Variants in LUC7L observed in about 807,000 individuals in gnomAD.
LUC7L encodes LUC7 like.
A neutral mutation model predicts 51.1 loss-of-function variants in LUC7L; 29 were observed. The observed-to-expected ratio is 0.57, with a 90% CI of 0.42 to 0.77. LUC7L has a LOEUF of 0.77. LUC7L is among the 30% of genes least tolerant of loss of function. The pLI, the probability that LUC7L is intolerant of heterozygous loss-of-function variation, is 0.00. For synonymous variants in LUC7L, 181 were observed against 180.7 expected (o/e 1.00, Z -0.01); for missense variants, 403 against 511.9 (o/e 0.79, Z 2.05).
At chr16:216,381 T>G (rs1322813078) in intron 3 of LUC7L, among the ~76,000 whole-genome samples, 1 of 35,494 alleles carries the variant, frequency 2.8e-5, no homozygotes, top group African/African-American at 1.3e-4. Context: ...CAAATAGTTG[T>G]TTTTTTTTTT....
At chr16:211,298 G>A (rs1381404821) in intron 3 of LUC7L, among the ~76,000 whole-genome samples, 1 of 152,114 alleles carries the variant, frequency 6.6e-6, no homozygotes, top group Non-Finnish European at 1.5e-5. Context: ...AACACTAAAA[G>A]AACTATCATA....
intron 6 of LUC7L, among the ~76,000 whole-genome samples, chr16:197,194 C>T (rs574429932): frequency 6.7e-5 from 10 of 148,246 alleles, no homozygotes; most frequent in Non-Finnish European, 1.2e-4. Flanking sequence ...GAGGCTGAGC[C>T]TCTGCACCCA....
At chr16:203,501 T>A (rs2049390772) in intron 5 of LUC7L, among the ~76,000 whole-genome samples, 4 of 151,916 alleles carry the variant, frequency 2.6e-5, no homozygotes, top group African/African-American at 9.7e-5. Context: ...GAGCCAAGGA[T>A]TTCAAGACCA....
intron 3 of LUC7L, among the ~76,000 whole-genome samples, chr16:213,685 G>C (rs973444885): frequency 1.3e-5 from 2 of 152,128 alleles, no homozygotes; most frequent in Non-Finnish European, 2.9e-5. Flanking sequence ...GATTACAGGC[G>C]TGAGCCACCG....
intron 7 of LUC7L, among the ~76,000 whole-genome samples, chr16:191,481 G>T (rs1399120931): frequency 1.3e-5 from 2 of 152,184 alleles, no homozygotes; most frequent in African/African-American, 4.8e-5. Context: ...TGCAAAAAAT[G>T]GATTGTGTGT....
chr16:223,069 A>C (rs2067923100), intron 2 of LUC7L, among the ~76,000 whole-genome samples: 1 of 151,598 alleles, frequency 6.6e-6, no homozygotes, highest in South Asian at 2.1e-4. Context: ...GAAAGCATGT[A>C]GCATGCTAGG....
At chr16:191,296 G>C (rs79220701) in intron 7 of LUC7L, among the ~76,000 whole-genome samples, 85 of 152,312 alleles carry the variant, frequency 5.6e-4, no homozygotes, top group African/African-American at 1.8e-3. Context: ...TCCAGGCACA[G>C]GCTTCCTGTC....
intron 6 of LUC7L, among the ~76,000 whole-genome samples, chr16:198,431 C>T (rs2049223781): frequency 6.6e-6 from 1 of 152,072 alleles, no homozygotes; most frequent in African/African-American, 2.4e-5. Flanking sequence ...GGCAAGGAGC[C>T]AGGATGTGTG....
In LUC7L at chr16:229,438, A is replaced by G; in HGVS notation, c.-99T>C. 1.8e-6 allele frequency: 2 copies of G among 1,103,634 alleles called. No individual in the cohort carries two copies. Among genetic ancestry groups the G allele is most frequent in the East Asian group, 3.2e-5 (1 of 31,272 alleles). 68.4% of individuals were successfully genotyped at this position (1,103,634 alleles called of 1,614,324 possible). A position where few individuals can be genotyped will look rare whatever the true frequency, so the allele number is the denominator to read the frequency against. On this transcript the variant is annotated 5_prime_UTR_variant, in exon 1 of 10. Coordinates refer to ENST00000293872, the MANE Select transcript of LUC7L (RefSeq NM_201412.3). The stretch of plus-strand genomic sequence containing the variant: ...CGATGGTCGCGTCGGCCTCGAGCCC[A>G]CTCGGCTCTTTCCCGCCGCGGGGGA...
chr16:220,556 T>G, intron 3 of LUC7L, 93 bp downstream of exon 3: 2 of 917,806 alleles, frequency 2.2e-6, no homozygotes, highest in South Asian at 1.5e-5. Context: ...ACCTTATTAT[T>G]TTGCTTCATA....
At chr16:195,080 T>A (rs3859141) in intron 6 of LUC7L, among the ~76,000 whole-genome samples, 1 of 152,022 alleles carries the variant, frequency 6.6e-6, no homozygotes, top group South Asian at 2.1e-4. Flanking sequence ...CCCATGCTCA[T>A]CCTGTGTCTG....
chr16:227,287 C>A lies in LUC7L; in HGVS notation c.111G>T (p.Lys37Asn), dbSNP rs1420310961. Residue 37 changes from lysine to asparagine, a missense_variant, in exon 2 of 10, where the codon AAG becomes AAT. Around this residue, in one of 3 missense-constraint regions of LUC7L, gnomAD observed 182 missense variants for 248.4 expected, o/e 0.73. Coordinates refer to ENST00000293872, the MANE Select transcript of LUC7L (RefSeq NM_201412.3). ...RVKFTDDRVC[K>N]SHLLDCCPHD... is the part of the protein sequence containing the mutation. ...GGGGGCAGCAGTCCAGAAGGTGACT[C>A]TTGCAGACACGGTCATCTGTAAACT... 1 of 1,612,892 alleles carries A rather than the reference C, an allele frequency of 6.2e-7. No individual in the cohort carries two copies. Among genetic ancestry groups the A allele is most frequent in the Non-Finnish European group, 8.5e-7 (1 of 1,179,492 alleles).
At chr16:192,901 C>T (rs1006068493) in intron 7 of LUC7L, 26 bp downstream of exon 7, 8 of 1,594,508 alleles carry the variant, frequency 5.0e-6, no homozygotes, top group Non-Finnish European at 6.9e-6. Flanking sequence ...CAATGCAGGC[C>T]ATCCAGTGCC....
intron 3 of LUC7L, chr16:208,632 C>T: frequency 1.0e-6 from 1 of 991,426 alleles, no homozygotes; most frequent in Non-Finnish European, 1.2e-6. Flanking sequence ...ATATTATTCC[C>T]TCATGTTCTG....
intron 3 of LUC7L, among the ~76,000 whole-genome samples, chr16:219,812 T>C (rs780030626): frequency 6.6e-6 from 1 of 151,370 alleles, no homozygotes; most frequent in African/African-American, 2.4e-5. Context: ...TAGGTTGCAG[T>C]GAGCCAAGAT....
At chr16:228,559 G>C (rs572374114) in intron 1 of LUC7L, 279 of 1,197,752 alleles carry the variant, frequency 2.3e-4, no homozygotes, top group Middle Eastern at 7.1e-4. Context: ...CTGAGAATGT[G>C]CCAGTGTGAA....
rs148977693 is a variant in LUC7L, at chr16:214,330, G to C, written c.256-6142C>G. On this transcript the variant is annotated intron_variant, in intron 3 of 9. Transcript: ENST00000293872. The stretch of plus-strand genomic sequence containing the variant: ...CCACCTCAGCCTCCCAAAGTGCTGG[G>C]ATTACAGGTGTGAGCCACTGAGCCC... 5.8e-3 allele frequency among the ~76,000 whole-genome samples: 881 copies of C among 152,280 alleles called. 4 individuals are homozygous for C. Among genetic ancestry groups the C allele is most frequent in the Middle Eastern group, 0.01 (3 of 294 alleles).
intron 3 of LUC7L, chr16:209,745 G>C (rs1405461818): frequency 6.6e-6 from 1 of 152,176 alleles, no homozygotes; most frequent in Non-Finnish European, 1.5e-5. Context: ...TCCTAAAACA[G>C]ACAGGAGACA....
At chr16:205,864 C>G in intron 5 of LUC7L, 140 bp downstream of exon 5, 1 of 940,064 alleles carries the variant, frequency 1.1e-6, no homozygotes, top group Non-Finnish European at 1.6e-6. Context: ...GCTGGGATGA[C>G]AGGCGTGAGC....
Sources: gnomAD v4.1 joint callset for allele counts (sites outside exome capture counted in the v4.1 genomes callset) on GRCh38, gnomAD v4.1.1 for gene constraint, gnomAD v4.1.1 regional missense constraint, MANE v1.5 for transcripts, NCBI Gene and HGNC (gene_info 2026-07-23, HGNC 2026-07-21) for gene names.